Variants in CHODL observed in about 807,000 individuals in gnomAD.
CHODL encodes the protein transmembrane protein MT75.
In CHODL, 29 loss-of-function variants were observed where a neutral mutation model predicts 34.5. That is an observed-to-expected ratio of 0.84 (90% CI 0.63 to 1.15). CHODL has a LOEUF of 1.15. CHODL is among the 50% of genes most tolerant of loss of function. CHODL has a pLI of 0.00. For synonymous variants in CHODL, 125 were observed against 116.1 expected (o/e 1.08, Z -0.49); for missense variants, 332 against 332.5 (o/e 1.00, Z 0.01).
At chr21:18,111,038 T>C (rs940057937) in intron 2 of CHODL, among the ~76,000 whole-genome samples, 1 of 152,178 alleles carries the variant, frequency 6.6e-6, no homozygotes, top group Non-Finnish European at 1.5e-5. Flanking sequence ...GCTTCCACAC[T>C]AGGGGAATAT....
chr21:18,025,351 GATT>G (rs2064164636), intron 1 of CHODL, among the ~76,000 whole-genome samples: 1 of 152,122 alleles, frequency 6.6e-6, no homozygotes, highest in South Asian at 2.1e-4. Context: ...TTTGCTCTAT[GATT>G]ATTAAGAAAA....
intron 2 of CHODL, among the ~76,000 whole-genome samples, chr21:18,136,652 A>G (rs1688187): frequency 0.08 from 11,987 of 150,114 alleles, 1,519 homozygotes; most frequent in African/African-American, 0.27. Flanking sequence ...CGTTGGGGCC[A>G]AAAGAATCTT....
chr21:18,088,373 G>A (rs1333340561), intron 2 of CHODL, among the ~76,000 whole-genome samples: 1 of 152,146 alleles, frequency 6.6e-6, no homozygotes, highest in Non-Finnish European at 1.5e-5. Context: ...CATGTCTGTA[G>A]ATCCTGATAT....
intron 1 of CHODL, among the ~76,000 whole-genome samples, chr21:17,969,056 C>T (rs920164697): frequency 5.3e-5 from 8 of 152,160 alleles, no homozygotes; most frequent in African/African-American, 1.9e-4. Flanking sequence ...TTATTTTACT[C>T]AACATGACTA....
In CHODL at chr21:18,266,115, T is replaced by G. The variant is rs1488447151; in HGVS notation, c.*77T>G. 1 of 1,611,188 alleles carries G rather than the reference T, an allele frequency of 6.2e-7. No individual in the cohort carries two copies. The highest frequency in any genetic ancestry group is 8.5e-7 in the Non-Finnish European group (1 of 1,178,144). On this transcript the variant is annotated 3_prime_UTR_variant, in exon 6 of 6. Coordinates refer to ENST00000299295, the MANE Select transcript of CHODL (RefSeq NM_024944.3). Reference sequence around the variant, plus strand: ...ATGGCATCAGAACAATAGCTTGGAATGGCTTGAAATCACAAAGGATCTGCA... The same window carrying G: ...ATGGCATCAGAACAATAGCTTGGAAGGGCTTGAAATCACAAAGGATCTGCA...
At chr21:18,100,860 C>T (rs550029317) in intron 2 of CHODL, among the ~76,000 whole-genome samples, 2 of 152,182 alleles carry the variant, frequency 1.3e-5, no homozygotes, top group African/African-American at 4.8e-5. Flanking sequence ...CCATCTCATA[C>T]AGAGATGCTG....
At chr21:18,145,741 G>C (rs1459023253) in intron 2 of CHODL, among the ~76,000 whole-genome samples, 3 of 152,140 alleles carry the variant, frequency 2.0e-5, no homozygotes, top group South Asian at 2.1e-4. Flanking sequence ...GCTTGAGTTT[G>C]TTTAAGGGAC....
intron 5 of CHODL, among the ~76,000 whole-genome samples, chr21:18,265,743 G>T (rs746861328): frequency 2.0e-5 from 3 of 152,090 alleles, no homozygotes; most frequent in South Asian, 2.1e-4. Flanking sequence ...AACAGGAAAA[G>T]ATATGTTTTG....
At chr21:18,013,194 T>G (rs1324155387) in intron 1 of CHODL, among the ~76,000 whole-genome samples, 1 of 152,208 alleles carries the variant, frequency 6.6e-6, no homozygotes, top group Non-Finnish European at 1.5e-5. Flanking sequence ...TATCTCATGT[T>G]CTCACTCTCT....
intron 2 of CHODL, among the ~76,000 whole-genome samples, chr21:18,093,160 C>T (rs541801602): frequency 1.3e-5 from 2 of 152,260 alleles, no homozygotes; most frequent in East Asian, 1.9e-4. Flanking sequence ...AGAAACCTTA[C>T]AGGCCAGGAG....
intron 2 of CHODL, among the ~76,000 whole-genome samples, chr21:18,044,825 C>T (rs906833991): frequency 6.6e-5 from 10 of 151,996 alleles, no homozygotes; most frequent in African/African-American, 9.6e-5. Flanking sequence ...TGGCTAATTT[C>T]ATCCTACTTC....
At chr21:18,121,513 G>A (rs1167401773) in intron 2 of CHODL, among the ~76,000 whole-genome samples, 5 of 150,610 alleles carry the variant, frequency 3.3e-5, no homozygotes, top group Non-Finnish European at 5.9e-5. Context: ...TGGCCCAAAC[G>A]CTTACTTTCT....
chr21:18,108,161 T>A (rs937813157), intron 2 of CHODL, among the ~76,000 whole-genome samples: 130 of 151,550 alleles, frequency 8.6e-4, no homozygotes, highest in African/African-American at 3.0e-3. Flanking sequence ...TTTTTTTTTT[T>A]ATCATTTACT....
chr21:18,120,257 T>C (rs899480102), intron 2 of CHODL, among the ~76,000 whole-genome samples: 7 of 152,230 alleles, frequency 4.6e-5, no homozygotes, highest in Non-Finnish European at 8.8e-5. Flanking sequence ...TCATAAACCA[T>C]GTATGTTATA....
chr21:17,917,589 G>T (rs566969882), intron 1 of CHODL, among the ~76,000 whole-genome samples: 1 of 149,502 alleles, frequency 6.7e-6, no homozygotes, highest in Non-Finnish European at 1.5e-5. Context: ...ACCCAAGGTG[G>T]GGCCATCTGT....
At chr21:18,194,864 C>G (rs1285503670) in intron 2 of CHODL, among the ~76,000 whole-genome samples, 1 of 151,746 alleles carries the variant, frequency 6.6e-6, no homozygotes, top group Non-Finnish European at 1.5e-5. Context: ...TTGTTGTGTA[C>G]AGCATGTTGT....
intron 2 of CHODL, among the ~76,000 whole-genome samples, chr21:18,167,407 T>A (rs1477359978): frequency 1.3e-5 from 2 of 149,720 alleles, no homozygotes; most frequent in Non-Finnish European, 2.9e-5. Flanking sequence ...CCTCCCAGGT[T>A]CACCCCATTC....
At chr21:18,040,077 C>T (rs920926652) in intron 2 of CHODL, among the ~76,000 whole-genome samples, 1 of 151,936 alleles carries the variant, frequency 6.6e-6, no homozygotes, top group South Asian at 2.1e-4. Flanking sequence ...TGTTATTTAA[C>T]TATTCAAACC....
chr21:18,149,682 T>C (rs1289989020), intron 2 of CHODL, among the ~76,000 whole-genome samples: 2 of 152,314 alleles, frequency 1.3e-5, no homozygotes, highest in East Asian at 3.9e-4. Context: ...TTGAGGAGAA[T>C]TGCACCTGTC....
Sources: gnomAD v4.1 joint callset for allele counts (sites outside exome capture counted in the v4.1 genomes callset) on GRCh38, gnomAD v4.1.1 for gene constraint, MANE v1.5 for transcripts, NCBI Gene and HGNC (gene_info 2026-07-23, HGNC 2026-07-21) for gene names.